Variants in SLC35D4 observed in about 807,000 individuals in gnomAD.
The protein encoded by SLC35D4 is UDP-N-acetylglucosamine transporter SLC35D4.
the SLC35D4 span, among the ~76,000 whole-genome samples, chr18:23,344,331 C>G: frequency 6.6e-6 from 1 of 152,100 alleles, no homozygotes; most frequent in Non-Finnish European, 1.5e-5. Flanking sequence ...GTGCATGTGT[C>G]TTTATGGTAG....
the SLC35D4 span, among the ~76,000 whole-genome samples, chr18:23,266,525 C>T: frequency 6.6e-6 from 1 of 152,220 alleles, no homozygotes; most frequent in Admixed American, 6.5e-5. Context: ...TCTTGTCCCC[C>T]ACTGCTCAGG....
the SLC35D4 span, among the ~76,000 whole-genome samples, chr18:23,363,170 G>C: frequency 6.7e-6 from 1 of 149,170 alleles, no homozygotes; most frequent in Non-Finnish European, 1.5e-5. Context: ...GCTTGAACCC[G>C]GGAGGCAGAG....
At chr18:23,424,433 C>G in the SLC35D4 span, among the ~76,000 whole-genome samples, 1 of 152,166 alleles carries the variant, frequency 6.6e-6, no homozygotes, top group African/African-American at 2.4e-5. Context: ...TTGGAATACT[C>G]CAGTGACAAA....
chr18:23,341,598 T>C, the SLC35D4 span, among the ~76,000 whole-genome samples: 66 of 152,344 alleles, frequency 4.3e-4, 1 homozygote, highest in South Asian at 0.01. Context: ...GTAGGCACAA[T>C]GACATCATGG....
At chr18:23,374,485 CTTTT>C in the SLC35D4 span, among the ~76,000 whole-genome samples, 2 of 139,372 alleles carry the variant, frequency 1.4e-5, no homozygotes, top group African/African-American at 2.6e-5. Context: ...GATATGACAT[CTTTT>C]TTTTTTTTTT....
the SLC35D4 span, among the ~76,000 whole-genome samples, chr18:23,432,979 C>CA: frequency 0.012 from 1,142 of 97,206 alleles, 14 homozygotes; most frequent in African/African-American, 0.026. Context: ...GACTCTGTCT[C>CA]AAAAAAAAAA....
the SLC35D4 span, chr18:23,370,103 C>CG: frequency 3.6e-6 from 3 of 836,912 alleles, no homozygotes; most frequent in South Asian, 3.6e-5. Flanking sequence ...CGCTTGAACC[C>CG]GGGGGGTGGA....
At chr18:23,243,468 G>GTTTTT in the SLC35D4 span, among the ~76,000 whole-genome samples, 1 of 101,870 alleles carries the variant, frequency 9.8e-6, no homozygotes, top group African/African-American at 3.6e-5. Flanking sequence ...TGGGTTTGGT[G>GTTTTT]TTTTTTTTTT....
the SLC35D4 span, among the ~76,000 whole-genome samples, chr18:23,255,131 G>C: frequency 6.6e-6 from 1 of 152,134 alleles, no homozygotes; most frequent in East Asian, 1.9e-4. Context: ...GGCCTGGAGT[G>C]TGAGGCCCAT....
the SLC35D4 span, among the ~76,000 whole-genome samples, chr18:23,385,310 C>T: frequency 2.0e-5 from 3 of 152,202 alleles, no homozygotes; most frequent in Non-Finnish European, 4.4e-5. Context: ...TCCTGTGTGT[C>T]AGGCACTGCA....
the SLC35D4 span, among the ~76,000 whole-genome samples, chr18:23,261,216 C>A: frequency 2.6e-5 from 4 of 152,192 alleles, no homozygotes; most frequent in Non-Finnish European, 5.9e-5. Context: ...GTAGTCCCAG[C>A]TACTCAGGAA....
At chr18:23,383,004 G>A in the SLC35D4 span, among the ~76,000 whole-genome samples, 1 of 152,186 alleles carries the variant, frequency 6.6e-6, no homozygotes, top group Admixed American at 6.5e-5. Context: ...GGGGATACTG[G>A]GGAGTCCAAG....
chr18:23,402,552 C>T, the SLC35D4 span, among the ~76,000 whole-genome samples: 1 of 152,184 alleles, frequency 6.6e-6, no homozygotes, highest in East Asian at 1.9e-4. Context: ...CACCTATAAT[C>T]CCAGCACTTT....
chr18:23,434,202 TCTC>T, the SLC35D4 span, among the ~76,000 whole-genome samples: 1 of 152,044 alleles, frequency 6.6e-6, no homozygotes, highest in Non-Finnish European at 1.5e-5. Flanking sequence ...GGCTCTCCCA[TCTC>T]CTCTCCTCCA....
the SLC35D4 span, among the ~76,000 whole-genome samples, chr18:23,301,429 G>A: frequency 6.6e-6 from 1 of 152,080 alleles, no homozygotes; most frequent in Non-Finnish European, 1.5e-5. Flanking sequence ...ACATAGGTTT[G>A]GGCAGCCTCC....
chr18:23,256,198 A>G, the SLC35D4 span, among the ~76,000 whole-genome samples: 1 of 152,256 alleles, frequency 6.6e-6, no homozygotes, highest in East Asian at 1.9e-4. Context: ...GTTGACGCCA[A>G]GGCAGAATGT....
the SLC35D4 span, among the ~76,000 whole-genome samples, chr18:23,410,576 G>C: frequency 6.6e-6 from 1 of 151,954 alleles, no homozygotes; most frequent in Admixed American, 6.6e-5. Context: ...AGGCTGAGAC[G>C]GGCAGATCAC....
chr18:23,397,591 T>G, the SLC35D4 span, among the ~76,000 whole-genome samples: 1 of 152,254 alleles, frequency 6.6e-6, no homozygotes, highest in Admixed American at 6.5e-5. Context: ...TTCAGTTATA[T>G]GAACTGGTAA....
At chr18:23,304,615 A>C in the SLC35D4 span, among the ~76,000 whole-genome samples, 1 of 152,102 alleles carries the variant, frequency 6.6e-6, no homozygotes, top group African/African-American at 2.4e-5. Context: ...TCAGGATATA[A>C]AGGTTTCTTC....
Sources: gnomAD v4.1 joint callset for allele counts (sites outside exome capture counted in the v4.1 genomes callset) on GRCh38, gnomAD v4.1.1 for gene constraint, MANE v1.5 for transcripts, NCBI Gene and HGNC (gene_info 2026-07-23, HGNC 2026-07-21) for gene names.